RAP1A: variants seen among roughly 807,000 people sequenced by gnomAD.
RAP1A encodes the protein ras-related protein Rap-1A.
A neutral mutation model predicts 26.4 loss-of-function variants in RAP1A; 6 were observed. The observed-to-expected ratio is 0.23, with a 90% CI of 0.12 to 0.45. The LOEUF (loss-of-function observed/expected upper bound fraction) is 0.45. Among genes scored for constraint, RAP1A ranks in the 20% least tolerant of loss-of-function variants. The probability of loss-of-function intolerance (pLI) is 0.99; values close to 1 mark genes in which losing one functional copy is unlikely to be tolerated. For synonymous variants in RAP1A, 73 were observed against 79.4 expected, an observed-to-expected ratio of 0.92 and a Z score of 0.43; for missense variants, 121 against 217.2, an observed-to-expected ratio of 0.56 and a Z score of 2.78.
At chr1:111,700,368 G>C (rs140879499) in intron 4 of RAP1A, among the ~76,000 whole-genome samples, 1 of 152,310 alleles carries the variant, frequency 6.6e-6, no homozygotes, top group Admixed American at 6.5e-5. Context: ...CAATCATAGT[G>C]AAAGGCAAAG....
intron 1 of RAP1A, among the ~76,000 whole-genome samples, chr1:111,670,380 G>A (rs1184734790): frequency 1.3e-5 from 2 of 151,974 alleles, no homozygotes; most frequent in African/African-American, 4.8e-5. Flanking sequence ...AGGCTGAAGT[G>A]GGAAGATTGC....
chr1:111,661,094 G>A (rs1233184999), intron 1 of RAP1A, among the ~76,000 whole-genome samples: 1 of 152,218 alleles, frequency 6.6e-6, no homozygotes, highest in African/African-American at 2.4e-5. Context: ...CCAGTTGGCT[G>A]GAGTGTTGAG....
chr1:111,586,290 G>T (rs1158391386), intron 1 of RAP1A, among the ~76,000 whole-genome samples: 2 of 152,180 alleles, frequency 1.3e-5, no homozygotes, highest in Non-Finnish European at 2.9e-5. Context: ...GAACAGCTAT[G>T]ACTAATTTTG....
intron 1 of RAP1A, among the ~76,000 whole-genome samples, chr1:111,626,368 C>CAT (rs1372917925): frequency 1.0e-5 from 1 of 97,526 alleles, no homozygotes; most frequent in Non-Finnish European, 2.0e-5. Context: ...CATATGTATA[C>CAT]ATACACACAC....
chr1:111,580,558 A>T (rs1658234741), intron 1 of RAP1A, among the ~76,000 whole-genome samples: 1 of 152,144 alleles, frequency 6.6e-6, no homozygotes, highest in Non-Finnish European at 1.5e-5. Flanking sequence ...TCAAGACTAG[A>T]GCCCTAGTTG....
At position 111,610,533 on chromosome 1, in the gene RAP1A, A is replaced by AACACAC. The variant is rs71099922; in HGVS notation, c.-28+68067_-28+68072dup. 2.6e-3 allele frequency among the ~76,000 whole-genome samples: 363 copies of AACACAC among 141,898 alleles called. 5 individuals carry two copies. The highest frequency in any genetic ancestry group is 4.4e-3 in the Non-Finnish European group (288 of 65,130). The allele number at this position is 141,898 out of a possible 152,430, so 93.1% of individuals were successfully genotyped here. A position where few individuals can be genotyped will look rare whatever the true frequency, so the allele number is the denominator to read the frequency against. ...CCTATTCCACTACTTCCCTCCACCC[A>AACACAC]ACACACACACACACACACACACACA... On this transcript the variant is annotated intron_variant, in intron 1 of 7. Coordinates refer to the RAP1A transcript ENST00000356415.
At chr1:111,574,327 T>C (rs1233142369) in intron 1 of RAP1A, among the ~76,000 whole-genome samples, 1 of 152,214 alleles carries the variant, frequency 6.6e-6, no homozygotes, top group African/African-American at 2.4e-5. Context: ...TGTCTGTTTT[T>C]GTACCAGTGC....
chr1:111,548,562 T>A (rs77692152), intron 1 of RAP1A, among the ~76,000 whole-genome samples: 2,680 of 152,332 alleles, frequency 0.018, 67 homozygotes, highest in African/African-American at 0.061. Flanking sequence ...CGGTCAGAAC[T>A]GGGTAAGCTG....
In RAP1A at chr1:111,642,828, C is replaced by G. The variant is rs1659937990; in HGVS notation, c.-28+22894C>G. ...TGAGGCAAAGTCTCGCTGTGTCGCC[C>G]AGGCTGGAGTGTAGTGTGATCTTGG... is the stretch of plus-strand genomic sequence containing the variant. On this transcript the variant is annotated intron_variant, in intron 1 of 7. Transcript: ENST00000369709. Among the ~76,000 whole-genome samples the G allele has an allele frequency of 5.5e-5, 8 of 146,666 alleles. No homozygotes were observed. The South Asian group carries it at 1.7e-3, about 32-fold the overall frequency.
intron 1 of RAP1A, among the ~76,000 whole-genome samples, chr1:111,630,504 T>C (rs1659537328): frequency 6.6e-6 from 1 of 152,130 alleles, no homozygotes; most frequent in African/African-American, 2.4e-5. Context: ...AGAGACACAG[T>C]AGAAAAACAA....
At chr1:111,638,952 T>C (rs556346275) in intron 1 of RAP1A, among the ~76,000 whole-genome samples, 2 of 152,182 alleles carry the variant, frequency 1.3e-5, no homozygotes, top group East Asian at 3.9e-4. Flanking sequence ...CAGGCAGTAA[T>C]TCAGAACTCT....
chr1:111,550,774 C>T (rs894148863), intron 1 of RAP1A, among the ~76,000 whole-genome samples: 4 of 152,208 alleles, frequency 2.6e-5, no homozygotes, highest in Non-Finnish European at 5.9e-5. Flanking sequence ...GGATTACAGG[C>T]ACATGCCACC....
At chr1:111,551,867 T>C (rs1195484798) in intron 1 of RAP1A, among the ~76,000 whole-genome samples, 1 of 152,142 alleles carries the variant, frequency 6.6e-6, no homozygotes, top group Non-Finnish European at 1.5e-5. Context: ...TGGCCTTCAC[T>C]TACTGTTTGC....
chr1:111,659,531 T>TTA (rs973668782), intron 1 of RAP1A, among the ~76,000 whole-genome samples: 1 of 151,798 alleles, frequency 6.6e-6, no homozygotes, highest in Non-Finnish European at 1.5e-5. Context: ...TTTTCTCTTA[T>TTA]TATTATACCT....
At chr1:111,650,528 A>G (rs1660231432) in intron 1 of RAP1A, 2 of 152,132 alleles carry the variant, frequency 1.3e-5, no homozygotes, top group South Asian at 4.1e-4. Flanking sequence ...TGTGCTGCCA[A>G]AGCAAGCATG....
intron 1 of RAP1A, among the ~76,000 whole-genome samples, chr1:111,590,755 C>A (rs1429720312): frequency 1.4e-4 from 21 of 151,936 alleles, no homozygotes; most frequent in Admixed American, 1.4e-3. Context: ...CTGGGATAAG[C>A]CCAAAGGGAT....
intron 1 of RAP1A, chr1:111,608,589 A>T (rs1391772315): frequency 5.8e-6 from 1 of 171,078 alleles, no homozygotes. Flanking sequence ...AGATCACGCC[A>T]CTGCACTCCA....
At chr1:111,560,114 T>C (rs1657669945) in intron 1 of RAP1A, among the ~76,000 whole-genome samples, 1 of 152,188 alleles carries the variant, frequency 6.6e-6, no homozygotes, top group Non-Finnish European at 1.5e-5. Flanking sequence ...AGCTCAGAGA[T>C]TACAATATAG....
intron 1 of RAP1A, among the ~76,000 whole-genome samples, chr1:111,626,832 T>A (rs1454552974): frequency 2.0e-5 from 3 of 152,218 alleles, no homozygotes; most frequent in Non-Finnish European, 4.4e-5. Context: ...TGTGATTCTT[T>A]CTCTTGGAAC....
Sources: gnomAD v4.1 joint callset for allele counts (sites outside exome capture counted in the v4.1 genomes callset) on GRCh38, gnomAD v4.1.1 for gene constraint, MANE v1.5 for transcripts, NCBI Gene and HGNC (gene_info 2026-07-23, HGNC 2026-07-21) for gene names.